ZBTB7C: variants seen among roughly 807,000 people sequenced by gnomAD.
ZBTB7C encodes the protein zinc finger and BTB domain containing 7C, also known as zinc finger and BTB domain-containing protein 7C.
ZBTB7C carries 8 observed loss-of-function variants against 25.7 expected under a neutral mutation model. That is an observed-to-expected ratio of 0.31 (90% CI 0.18 to 0.56). The LOEUF (loss-of-function observed/expected upper bound fraction) is 0.56, where lower values mean the gene tolerates loss of function less well. Ranked by LOEUF, ZBTB7C falls within the 20% of genes least tolerant of loss-of-function variation. The pLI is 0.91. For synonymous variants in ZBTB7C, 394 were observed against 369.0 expected (o/e 1.07, Z -0.78); for missense variants, 824 against 855.2 (o/e 0.96, Z 0.46).
chr18:48,178,042 C>T (rs1238660404), intron 3 of ZBTB7C, among the ~76,000 whole-genome samples: 1 of 152,032 alleles, frequency 6.6e-6, no homozygotes, highest in Non-Finnish European at 1.5e-5. Flanking sequence ...CCCTCCCTCT[C>T]CTTGCCCCTT....
chr18:48,249,909 G>A (rs568461639), intron 2 of ZBTB7C, among the ~76,000 whole-genome samples: 341 of 152,324 alleles, frequency 2.2e-3, no homozygotes, highest in African/African-American at 7.6e-3. Context: ...ACTAAGGCTA[G>A]AGCGAAAATG....
chr18:48,087,592 C>T (rs1398472162), intron 3 of ZBTB7C: 3 of 151,614 alleles, frequency 2.0e-5, no homozygotes, highest in African/African-American at 7.3e-5. Flanking sequence ...TAAGACCAAC[C>T]GGTGCAATAA....
At position 48,211,396 on chromosome 18, in the gene ZBTB7C, GA is replaced by G. The variant is rs1436385790; in HGVS notation, c.-78-25402del. Among the ~76,000 whole-genome samples the G allele has an allele frequency of 2.0e-5, 3 of 152,148 alleles. No homozygotes were observed. The East Asian group carries it at 5.8e-4, about 29-fold the overall frequency. ...TGCAAAAAACACGTCAAGAGAATAA[GA>G]AGACAAGCCATAGAGTAGGAGAAAT... On this transcript the variant is annotated intron_variant, in intron 2 of 4. Coordinates refer to ENST00000590800, the MANE Select transcript of ZBTB7C (RefSeq NM_001318841.2).
intron 3 of ZBTB7C, among the ~76,000 whole-genome samples, chr18:48,101,119 C>A (rs561610609): frequency 6.6e-6 from 1 of 152,158 alleles, no homozygotes; most frequent in Non-Finnish European, 1.5e-5. Context: ...CTGGCCTCTC[C>A]GGAACCCTCC....
chr18:48,257,799 C>T (rs943020391), intron 2 of ZBTB7C, among the ~76,000 whole-genome samples: 2 of 149,188 alleles, frequency 1.3e-5, no homozygotes, highest in African/African-American at 4.9e-5. Flanking sequence ...AAAAAAAAAA[C>T]TAGGATCATG....
Position 48,212,712 on chromosome 18 carries a change from GT to G in ZBTB7C, c.-78-26718del, listed in dbSNP as rs535670183. On this transcript the variant is annotated intron_variant, in intron 2 of 4. Coordinates refer to ENST00000590800, the MANE Select transcript of ZBTB7C (RefSeq NM_001318841.2). ...CCAAGAGAAGAGAGGGGACAAGTTAGTTTGTGATTCATAGCTGAGTGGCTGG... is the reference window on the plus strand; with the variant it reads ...CCAAGAGAAGAGAGGGGACAAGTTAGTTGTGATTCATAGCTGAGTGGCTGG... Among the ~76,000 whole-genome samples the G allele has an allele frequency of 2.1e-3, 319 of 152,248 alleles. 1 individual carries two copies. The highest frequency in any genetic ancestry group is 7.3e-3 in the African/African-American group (303 of 41,508).
chr18:48,035,251 T>A (rs2035922697), intron 4 of ZBTB7C, among the ~76,000 whole-genome samples: 1 of 152,170 alleles, frequency 6.6e-6, no homozygotes, highest in African/African-American at 2.4e-5. Flanking sequence ...TGTCAGAGAG[T>A]GACTGCGGTG....
intron 4 of ZBTB7C, among the ~76,000 whole-genome samples, chr18:48,032,762 A>G (rs560059407): frequency 1.2e-3 from 185 of 152,090 alleles, no homozygotes; most frequent in African/African-American, 4.4e-3. Flanking sequence ...AGTCACTATT[A>G]CACATAATTA....
intron 1 of ZBTB7C, among the ~76,000 whole-genome samples, chr18:48,401,533 T>C (rs111861672): frequency 6.6e-6 from 1 of 152,260 alleles, no homozygotes; most frequent in African/African-American, 2.4e-5. Flanking sequence ...CCAAAACCTA[T>C]GCTCCTCATC....
chr18:48,374,515 A>C (rs550396465), intron 1 of ZBTB7C, among the ~76,000 whole-genome samples: 94 of 152,294 alleles, frequency 6.2e-4, no homozygotes, highest in African/African-American at 2.2e-3. Flanking sequence ...GCACCAAGTG[A>C]TGCAGCTTTG....
intron 1 of ZBTB7C, among the ~76,000 whole-genome samples, chr18:48,368,012 C>T (rs1182581450): frequency 6.6e-6 from 1 of 151,554 alleles, no homozygotes; most frequent in African/African-American, 2.4e-5. Flanking sequence ...CAGTACACAG[C>T]CTCAAAACAC....
chr18:48,179,673 C>CTCCTTCCTTCCTTCCTTCCTTCCT (rs113058200), intron 3 of ZBTB7C, among the ~76,000 whole-genome samples: 19 of 146,162 alleles, frequency 1.3e-4, no homozygotes, highest in Admixed American at 4.0e-4. Context: ...ATATTTCTCT[C>CTCCTTCCTTCCTTCCTTCCTTCCT]TCCTTCCTTC....
intron 3 of ZBTB7C, among the ~76,000 whole-genome samples, chr18:48,163,151 T>A (rs2041124503): frequency 6.6e-6 from 1 of 152,174 alleles, no homozygotes; most frequent in South Asian, 2.1e-4. Context: ...AAAGATGGCT[T>A]GGCCATCTCT....
chr18:48,359,252 C>G (rs1301624797), intron 1 of ZBTB7C, among the ~76,000 whole-genome samples: 1 of 152,048 alleles, frequency 6.6e-6, no homozygotes, highest in Non-Finnish European at 1.5e-5. Context: ...TTCCTCCATC[C>G]CCCATGAGAA....
intron 2 of ZBTB7C, among the ~76,000 whole-genome samples, chr18:48,301,917 T>G (rs1220620857): frequency 2.0e-5 from 3 of 152,100 alleles, no homozygotes; most frequent in Non-Finnish European, 4.4e-5. Flanking sequence ...AGAGCAGCGC[T>G]CTGATGGACA....
intron 4 of ZBTB7C, among the ~76,000 whole-genome samples, chr18:48,036,012 A>G (rs1464552603): frequency 6.6e-6 from 1 of 152,250 alleles, no homozygotes; most frequent in Non-Finnish European, 1.5e-5. Flanking sequence ...GAGGGAGTGC[A>G]CAGGCAAAGG....
chr18:48,094,847 AG>A (rs2038554954), intron 3 of ZBTB7C, among the ~76,000 whole-genome samples: 1 of 152,152 alleles, frequency 6.6e-6, no homozygotes, highest in Non-Finnish European at 1.5e-5. Flanking sequence ...GAAACGAAAA[AG>A]GGAGCATGGA....
Position 48,175,497 on chromosome 18 carries a change from GT to G in ZBTB7C, c.-17+10436del, listed in dbSNP as rs2041640575. 2.0e-5 allele frequency among the ~76,000 whole-genome samples: 3 copies of G among 152,294 alleles called. No homozygotes were observed. In the South Asian group the frequency reaches 6.2e-4, roughly 32 times the overall value. On this transcript the variant is annotated intron_variant, in intron 3 of 4. Transcript: ENST00000590800. Reference sequence around the variant, plus strand: ...TTCACAATTTCTAAAATACAAATATGTCAGTGTATGTGCATGTGTATGGGTG... The same window carrying G: ...TTCACAATTTCTAAAATACAAATATGCAGTGTATGTGCATGTGTATGGGTG...
intron 2 of ZBTB7C, among the ~76,000 whole-genome samples, chr18:48,334,248 C>A (rs78101635): frequency 0.032 from 4,823 of 152,252 alleles, 101 homozygotes; most frequent in South Asian, 0.095. Context: ...GTCAGGGAAA[C>A]CTACTGCTGC....
Sources: gnomAD v4.1 joint callset for allele counts (sites outside exome capture counted in the v4.1 genomes callset) on GRCh38, gnomAD v4.1.1 for gene constraint, MANE v1.5 for transcripts, NCBI Gene and HGNC (gene_info 2026-07-23, HGNC 2026-07-21) for gene names.